Variants in LYPD6 observed in about 807,000 individuals in gnomAD.
LYPD6 encodes ly6/PLAUR domain-containing protein 6.
LYPD6 carries 15 observed loss-of-function variants against 22.7 expected under a neutral mutation model. The ratio of observed to expected loss-of-function variants is 0.66; its 90% CI spans 0.44 to 1.02. The LOEUF is 1.02. Among genes scored for constraint, LYPD6 ranks in the 50% least tolerant of loss-of-function variants. The pLI, the probability that LYPD6 is intolerant of heterozygous loss-of-function variation, is 0.00. For synonymous variants in LYPD6, 72 were observed against 77.5 expected (o/e 0.93, Z 0.37); for missense variants, 189 against 208.4 (o/e 0.91, Z 0.57).
rs184483730 is a variant in LYPD6 at position 149,433,344 on chromosome 2, G to A, written c.-71-4294G>A. 1.1e-4 allele frequency among the ~76,000 whole-genome samples: 16 copies of A among 152,264 alleles called. No homozygotes were observed. In the South Asian group the frequency reaches 1.9e-3, roughly 18 times the overall value. ...GAAATAGTTGCTTAATTTCATCCAC[G>A]CTGATCCACCATCCTGTGCACACAC... On this transcript the variant is annotated intron_variant, in intron 1 of 4. Transcript: ENST00000334166.
chr2:149,427,282 A>G (rs762858092), intron 1 of LYPD6, among the ~76,000 whole-genome samples: 2 of 152,200 alleles, frequency 1.3e-5, no homozygotes, highest in Non-Finnish European at 2.9e-5. Context: ...CATTTTTGGA[A>G]TATCTCTAGG....
At chr2:149,469,798 G>A (rs1468968583) in intron 4 of LYPD6, among the ~76,000 whole-genome samples, 1 of 152,114 alleles carries the variant, frequency 6.6e-6, no homozygotes, top group African/African-American at 2.4e-5. Flanking sequence ...CAGCTGGTAA[G>A]TGACAGGCAC....
chr2:149,417,315 G>A (rs1682986448), intron 1 of LYPD6, among the ~76,000 whole-genome samples: 1 of 152,156 alleles, frequency 6.6e-6, no homozygotes, highest in South Asian at 2.1e-4. Flanking sequence ...TACTGATAAA[G>A]CATTTAGACT....
At chr2:149,416,819 C>T (rs569146611) in intron 1 of LYPD6, among the ~76,000 whole-genome samples, 8 of 152,324 alleles carry the variant, frequency 5.3e-5, no homozygotes, top group Middle Eastern at 6.8e-3. Context: ...AGAAGATCGC[C>T]TCCTAGCTGG....
intron 1 of LYPD6, 77 bp from the exon 2 acceptor site, chr2:149,437,561 C>A: frequency 2.4e-6 from 3 of 1,272,142 alleles, no homozygotes; most frequent in Non-Finnish European, 3.2e-6. Context: ...TCCCATCTTA[C>A]CAGCATGGGA....
intron 1 of LYPD6, among the ~76,000 whole-genome samples, chr2:149,372,359 G>C (rs1681831015): frequency 1.3e-5 from 2 of 152,212 alleles, no homozygotes; most frequent in South Asian, 4.1e-4. Flanking sequence ...TTCCCTGTTT[G>C]AATTTAAAGA....
At chr2:149,477,543 A>G (rs956012742), downstream of LYPD6, among the ~76,000 whole-genome samples, 10 of 146,310 alleles carry the variant, frequency 6.8e-5, no homozygotes, top group African/African-American at 2.5e-4. Flanking sequence ...GAATCGCTTG[A>G]ATCTGGGAGG....
chr2:149,463,415 C>T (rs1681129994), intron 3 of LYPD6, among the ~76,000 whole-genome samples: 1 of 152,074 alleles, frequency 6.6e-6, no homozygotes, highest in African/African-American at 2.4e-5. Flanking sequence ...AACTAGATCA[C>T]TCAATACGTT....
chr2:149,374,416 C>A (rs1249308658), intron 1 of LYPD6, among the ~76,000 whole-genome samples: 1 of 152,120 alleles, frequency 6.6e-6, no homozygotes, highest in African/African-American at 2.4e-5. Flanking sequence ...CTTCCTGTGA[C>A]ACAGTGACAT....
At chr2:149,389,042 A>G (rs550268626) in intron 1 of LYPD6, among the ~76,000 whole-genome samples, 1 of 152,268 alleles carries the variant, frequency 6.6e-6, no homozygotes, top group East Asian at 1.9e-4. Flanking sequence ...AGGTTACAGC[A>G]TAGGATTTAA....
At chr2:149,429,941 G>A (rs751959554) in intron 1 of LYPD6, among the ~76,000 whole-genome samples, 4 of 152,130 alleles carry the variant, frequency 2.6e-5, no homozygotes, top group Non-Finnish European at 5.9e-5. Context: ...AGTACCAGGT[G>A]TAAGTTGCAT....
intron 1 of LYPD6, among the ~76,000 whole-genome samples, chr2:149,380,133 A>G (rs557572371): frequency 6.6e-6 from 1 of 152,226 alleles, no homozygotes; most frequent in East Asian, 1.9e-4. Context: ...GGCAGGAGCT[A>G]GTTGGCAAGT....
intron 1 of LYPD6, among the ~76,000 whole-genome samples, chr2:149,342,583 GA>G (rs1205683105): frequency 6.6e-6 from 1 of 152,166 alleles, no homozygotes; most frequent in Non-Finnish European, 1.5e-5. Context: ...CTATGCTACT[GA>G]AAAACTCTTT....
chr2:149,331,577 C>T (rs1208124476), intron 1 of LYPD6, among the ~76,000 whole-genome samples: 1 of 151,922 alleles, frequency 6.6e-6, no homozygotes, highest in Non-Finnish European at 1.5e-5. Context: ...TTTCAAGTGT[C>T]ACAATCACAT....
chr2:149,438,111 G>C (rs1233880150), intron 2 of LYPD6, among the ~76,000 whole-genome samples: 2 of 152,204 alleles, frequency 1.3e-5, no homozygotes, highest in Non-Finnish European at 2.9e-5. Flanking sequence ...TCCTAAGTCA[G>C]CTTTTAAAGT....
At chr2:149,360,689 C>CTCTGGAGT (rs1471301225) in intron 1 of LYPD6, among the ~76,000 whole-genome samples, 1 of 151,942 alleles carries the variant, frequency 6.6e-6, no homozygotes, top group Admixed American at 6.6e-5. Context: ...TCTCCACTGC[C>CTCTGGAGT]TCTGGAGTTT....
At position 149,470,920 on chromosome 2, in the gene LYPD6, A is replaced by G. The variant is rs868181500; in HGVS notation, c.*70A>G. The G allele has an allele frequency of 2.1e-6, 3 of 1,411,242 alleles. No individual in the cohort carries two copies. Among genetic ancestry groups the G allele is most frequent in the Middle Eastern group, 3.9e-4 (2 of 5,152 alleles). 87.4% of individuals were successfully genotyped at this position (1,411,242 alleles called of 1,614,324 possible). A position where few individuals can be genotyped will look rare whatever the true frequency, so the allele number is the denominator to read the frequency against. On this transcript the variant is annotated 3_prime_UTR_variant, in exon 5 of 5. Coordinates refer to ENST00000334166, the MANE Select transcript of LYPD6 (RefSeq NM_194317.5). ...GATGGTCCACAGACCTGCATGAGTC[A>G]TTGGCCTGACAGTAATTACACATGT...
At chr2:149,418,599 C>T (rs1022147087) in intron 1 of LYPD6, among the ~76,000 whole-genome samples, 16 of 150,782 alleles carry the variant, frequency 1.1e-4, no homozygotes, top group Admixed American at 3.3e-4. Context: ...CGAGACCTTG[C>T]GCTATTTCTC....
intron 1 of LYPD6, among the ~76,000 whole-genome samples, chr2:149,376,990 A>G (rs1160468553): frequency 6.6e-6 from 1 of 152,210 alleles, no homozygotes; most frequent in Non-Finnish European, 1.5e-5. Context: ...CACTGGGATC[A>G]GGAGATAGCA....
Sources: allele counts gnomAD v4.1 joint callset (sites outside exome capture counted in the v4.1 genomes callset), GRCh38; gene constraint gnomAD v4.1.1; transcripts MANE v1.5; gene names NCBI Gene and HGNC (gene_info 2026-07-23, HGNC 2026-07-21).